BTBD9: variants seen among roughly 807,000 people sequenced by gnomAD.
BTBD9 encodes BTB domain containing 9, also known as BTB/POZ domain-containing protein 9.
BTBD9 carries 49 observed loss-of-function variants against 64.3 expected under a neutral mutation model. That is an observed-to-expected ratio of 0.76 (90% CI 0.61 to 0.97). BTBD9 has a LOEUF of 0.97. Among genes scored for constraint, BTBD9 ranks in the 50% least tolerant of loss-of-function variants. BTBD9 has a pLI of 0.00. For missense variants in BTBD9, 598 were observed against 762.1 expected (o/e 0.78, Z 2.53); for synonymous variants, 260 against 274.7 (o/e 0.95, Z 0.53).
At position 38,577,281 on chromosome 6, in the gene BTBD9, A is replaced by G. The variant is rs538732668; in HGVS notation, c.1154+319T>C. Among the ~76,000 whole-genome samples, 5 of 152,360 alleles carry G rather than the reference A, an allele frequency of 3.3e-5. No homozygotes were observed. In the East Asian group the frequency reaches 7.7e-4, roughly 23 times the overall value. On this transcript the variant is annotated intron_variant, in intron 6 of 10. Coordinates refer to ENST00000481247, the MANE Select transcript of BTBD9 (RefSeq NM_001099272.2). ...ATAATTCTGCTTTCAATGTATCACA[A>G]TGAATATTACCATTCACTGTATAGC... is the stretch of plus-strand genomic sequence containing the variant.
chr6:38,630,441 T>C (rs1460713265), intron 1 of BTBD9, among the ~76,000 whole-genome samples: 1 of 152,200 alleles, frequency 6.6e-6, no homozygotes. Flanking sequence ...AATATCCTTG[T>C]TTTTAGGAAA....
Position 38,250,235 on chromosome 6 carries a change from AAAG to A in BTBD9, c.1562+6171_1562+6173del, listed in dbSNP as rs549908535. On this transcript the variant is annotated intron_variant, in intron 9 of 10. Coordinates refer to ENST00000481247, the MANE Select transcript of BTBD9 (RefSeq NM_001099272.2). ...AGGAAACAGTGTTACTAATGATAGG[AAAG>A]AAGAAGAAATTTTAGGATTGCAGAC... 6.1e-3 allele frequency among the ~76,000 whole-genome samples: 928 copies of A among 152,362 alleles called. 3 individuals carry two copies. Among genetic ancestry groups the A allele is most frequent in the Non-Finnish European group, 0.01 (704 of 68,036 alleles).
At chr6:38,400,330 C>T (rs894764877) in intron 6 of BTBD9, among the ~76,000 whole-genome samples, 2 of 152,120 alleles carry the variant, frequency 1.3e-5, no homozygotes, top group African/African-American at 4.8e-5. Context: ...TTCTAGAGCC[C>T]ATAGTTTATA....
intron 1 of BTBD9, among the ~76,000 whole-genome samples, chr6:38,611,953 T>C (rs1777630403): frequency 6.6e-6 from 1 of 152,248 alleles, no homozygotes; most frequent in African/African-American, 2.4e-5. Flanking sequence ...CGATTTAGGT[T>C]TTGTTTCCAA....
At chr6:38,630,129 G>A (rs1043843621) in intron 1 of BTBD9, among the ~76,000 whole-genome samples, 17 of 151,142 alleles carry the variant, frequency 1.1e-4, no homozygotes, top group Non-Finnish European at 2.4e-4. Flanking sequence ...AATTGCTCCC[G>A]GAAGACAGAG....
chr6:38,501,110 T>C (rs1397309546), intron 6 of BTBD9, among the ~76,000 whole-genome samples: 1 of 152,166 alleles, frequency 6.6e-6, no homozygotes, highest in Non-Finnish European at 1.5e-5. Flanking sequence ...ATGCTGTAAG[T>C]TAAAAAGTTA....
intron 6 of BTBD9, among the ~76,000 whole-genome samples, chr6:38,574,012 G>A (rs7769475): frequency 0.016 from 2,379 of 152,236 alleles, 44 homozygotes; most frequent in African/African-American, 0.053. Context: ...GGTTCTCAAG[G>A]CATATGAAAA....
chr6:38,273,823 T>A (rs1329010354), intron 8 of BTBD9, among the ~76,000 whole-genome samples: 1 of 152,178 alleles, frequency 6.6e-6, no homozygotes, highest in Non-Finnish European at 1.5e-5. Flanking sequence ...AAGAACAGAA[T>A]AAAGGAGAAG....
intron 1 of BTBD9, among the ~76,000 whole-genome samples, chr6:38,638,491 G>A (rs560106598): frequency 4.5e-4 from 68 of 152,302 alleles, no homozygotes; most frequent in African/African-American, 1.6e-3. Flanking sequence ...TCTGTGGCAA[G>A]CACATTTTTC....
At chr6:38,311,034 C>T (rs911657698) in intron 7 of BTBD9, among the ~76,000 whole-genome samples, 4 of 152,180 alleles carry the variant, frequency 2.6e-5, no homozygotes, top group Admixed American at 2.6e-4. Flanking sequence ...TGGTCTCGAA[C>T]TGCTGACCTC....
chr6:38,616,695 G>C (rs1276438670), intron 1 of BTBD9, among the ~76,000 whole-genome samples: 1 of 152,122 alleles, frequency 6.6e-6, no homozygotes, highest in Non-Finnish European at 1.5e-5. Flanking sequence ...AGCGCGCTTT[G>C]ATAGGACAGA....
chr6:38,587,506 G>T (rs550238404), intron 4 of BTBD9: 4 of 562,460 alleles, frequency 7.1e-6, no homozygotes, highest in Non-Finnish European at 1.4e-5. Context: ...AAAGTATAAA[G>T]ATGCAGATGA....
At chr6:38,268,069 G>A (rs1436175012) in intron 8 of BTBD9, among the ~76,000 whole-genome samples, 3 of 152,200 alleles carry the variant, frequency 2.0e-5, no homozygotes, top group African/African-American at 7.2e-5. Context: ...ACTTATTCCT[G>A]TACAATATCT....
chr6:38,470,022 C>T (rs1770576443), intron 6 of BTBD9, among the ~76,000 whole-genome samples: 1 of 152,172 alleles, frequency 6.6e-6, no homozygotes, highest in Admixed American at 6.5e-5. Flanking sequence ...AAATAACATC[C>T]TGGAGACCAG....
chr6:38,365,949 G>A (rs1765170166), intron 6 of BTBD9, among the ~76,000 whole-genome samples: 1 of 152,146 alleles, frequency 6.6e-6, no homozygotes. Context: ...ACAAGGTTCA[G>A]AAGAAAGAAC....
At chr6:38,192,639 T>G in intron 9 of BTBD9, 42 bp from the exon 10 acceptor site, 1 of 1,573,482 alleles carries the variant, frequency 6.4e-7, no homozygotes, top group Non-Finnish European at 8.7e-7. Flanking sequence ...GATGGTGCAG[T>G]TGACTCTCTG....
intron 7 of BTBD9, among the ~76,000 whole-genome samples, chr6:38,340,463 C>T (rs1764055550): frequency 6.6e-6 from 1 of 152,132 alleles, no homozygotes; most frequent in Admixed American, 6.6e-5. Flanking sequence ...ACTAAAGATA[C>T]AATGATTTGA....
At chr6:38,180,929 C>G (rs1043194727) in intron 10 of BTBD9, among the ~76,000 whole-genome samples, 1 of 152,216 alleles carries the variant, frequency 6.6e-6, no homozygotes, top group Non-Finnish European at 1.5e-5. Context: ...TTTATGATCA[C>G]TTTGCCTTGC....
At chr6:38,270,597 G>A (rs1005207675) in intron 8 of BTBD9, among the ~76,000 whole-genome samples, 10 of 152,160 alleles carry the variant, frequency 6.6e-5, no homozygotes, top group African/African-American at 2.4e-4. Context: ...ATATCCCTGA[G>A]GTAACCTCCA....
Sources: gnomAD v4.1 joint callset for allele counts (sites outside exome capture counted in the v4.1 genomes callset) on GRCh38, gnomAD v4.1.1 for gene constraint, MANE v1.5 for transcripts, NCBI Gene and HGNC (gene_info 2026-07-23, HGNC 2026-07-21) for gene names.